The following FGGY variants were observed in gnomAD, a reference collection of about 807,000 sequenced individuals.
FGGY encodes the protein FGGY carbohydrate kinase domain containing, also known as FGGY carbohydrate kinase domain-containing protein.
A neutral mutation model predicts 71.3 loss-of-function variants in FGGY; 72 were observed. The observed-to-expected ratio is 1.01, with a 90% CI of 0.84 to 1.23. The LOEUF is 1.23. FGGY is among the 50% of genes most tolerant of loss of function. The pLI is 0.00. For synonymous variants in FGGY, 251 were observed against 250.3 expected (o/e 1.00, Z -0.02); for missense variants, 668 against 682.3 (o/e 0.98, Z 0.23).
At chr1:59,642,033 C>T (rs982978242) in intron 11 of FGGY, among the ~76,000 whole-genome samples, 3 of 151,984 alleles carry the variant, frequency 2.0e-5, no homozygotes, top group Admixed American at 1.3e-4. Context: ...CAGTTCATTC[C>T]ATTTGAAAAC....
rs375809362 is a variant in FGGY at position 59,707,468 on chromosome 1, C to T, written c.1512+33335C>T. On this transcript the variant is annotated intron_variant, in intron 14 of 15. Transcript: ENST00000303721. ...TAGGCAGCCACAGGGGCAGTAGGCC[C>T]GGAGCTAACAGGCCTTCATGTAAAA... Among the ~76,000 whole-genome samples, 51 of 152,200 alleles carry T rather than the reference C, an allele frequency of 3.4e-4. 1 individual carries two copies. The South Asian group carries it at 8.9e-3, about 27-fold the overall frequency.
chr1:59,503,651 TGATATA>T (rs1420882465), intron 6 of FGGY, among the ~76,000 whole-genome samples: 1 of 146,172 alleles, frequency 6.8e-6, no homozygotes, highest in Non-Finnish European at 1.5e-5. Flanking sequence ...TATATATACA[TGATATA>T]GATATAATTA....
At chr1:59,547,981 G>T (rs1049336424) in intron 7 of FGGY, among the ~76,000 whole-genome samples, 7 of 152,196 alleles carry the variant, frequency 4.6e-5, no homozygotes, top group Non-Finnish European at 7.3e-5. Flanking sequence ...GCCTCCGTTT[G>T]CTTATAGTGT....
At chr1:59,462,820 G>A (rs545251736) in intron 6 of FGGY, among the ~76,000 whole-genome samples, 1 of 152,088 alleles carries the variant, frequency 6.6e-6, no homozygotes, top group South Asian at 2.1e-4. Flanking sequence ...AGGTGCTGGA[G>A]AGGATGTGGA....
chr1:59,433,270 T>C (rs886202419), intron 5 of FGGY, among the ~76,000 whole-genome samples: 6 of 152,192 alleles, frequency 3.9e-5, no homozygotes, highest in African/African-American at 1.4e-4. Flanking sequence ...AATATCTCCA[T>C]GCATTGCCAG....
At chr1:59,414,849 A>G (rs2064127190) in intron 5 of FGGY, among the ~76,000 whole-genome samples, 1 of 152,222 alleles carries the variant, frequency 6.6e-6, no homozygotes, top group Non-Finnish European at 1.5e-5. Context: ...ACCTGGCTGG[A>G]GGCCAGAGGC....
intron 14 of FGGY, among the ~76,000 whole-genome samples, chr1:59,753,512 A>G (rs2098264822): frequency 8.5e-6 from 1 of 117,068 alleles, no homozygotes; most frequent in Non-Finnish European, 1.8e-5. Context: ...ATATATATAT[A>G]TGGCATTACA....
chr1:59,614,233 G>A (rs1223146727), intron 9 of FGGY, among the ~76,000 whole-genome samples: 4 of 152,034 alleles, frequency 2.6e-5, no homozygotes, highest in Non-Finnish European at 4.4e-5. Context: ...GATGAACATC[G>A]ATGCAAAAAT....
At chr1:59,528,987 T>G (rs1204925333) in intron 7 of FGGY, among the ~76,000 whole-genome samples, 1 of 152,220 alleles carries the variant, frequency 6.6e-6, no homozygotes, top group Admixed American at 6.5e-5. Flanking sequence ...AACACCTAAA[T>G]AGATGATTAT....
intron 11 of FGGY, chr1:59,641,245 A>G: frequency 3.2e-6 from 5 of 1,564,252 alleles, no homozygotes; most frequent in Non-Finnish European, 4.4e-6. Context: ...TTTTATCTTA[A>G]TAATAAAAAA....
At chr1:59,588,512 G>A (rs1422485032) in intron 8 of FGGY, among the ~76,000 whole-genome samples, 2 of 151,888 alleles carry the variant, frequency 1.3e-5, no homozygotes, top group African/African-American at 4.8e-5. Context: ...CAAAGTCGAA[G>A]GAAAAAATAT....
chr1:59,430,716 A>G (rs1045134305), intron 5 of FGGY, among the ~76,000 whole-genome samples: 4 of 152,164 alleles, frequency 2.6e-5, no homozygotes, highest in African/African-American at 9.7e-5. Context: ...GGTTTACCTG[A>G]ATACAGTTGG....
intron 4 of FGGY, among the ~76,000 whole-genome samples, chr1:59,369,405 C>G (rs1254788078): frequency 1.3e-5 from 2 of 152,228 alleles, no homozygotes; most frequent in Non-Finnish European, 2.9e-5. Context: ...AACAGAGCAG[C>G]CTGGAAGCTC....
chr1:59,394,835 A>G (rs1031674806), intron 5 of FGGY, among the ~76,000 whole-genome samples: 2 of 152,076 alleles, frequency 1.3e-5, no homozygotes, highest in Non-Finnish European at 2.9e-5. Flanking sequence ...CAGCACTGAG[A>G]CTAAGCTCAT....
At chr1:59,571,259 A>G (rs1209192020) in intron 8 of FGGY, among the ~76,000 whole-genome samples, 1 of 152,232 alleles carries the variant, frequency 6.6e-6, no homozygotes, top group Non-Finnish European at 1.5e-5. Context: ...TGTTAAAGTT[A>G]GGCAGATCTG....
At chr1:59,512,007 G>A (rs1438039451) in intron 6 of FGGY, among the ~76,000 whole-genome samples, 1 of 152,194 alleles carries the variant, frequency 6.6e-6, no homozygotes, top group African/African-American at 2.4e-5. Context: ...TTTAAACCTT[G>A]TATTTAAGAG....
chr1:59,523,812 C>T (rs1050789465), intron 7 of FGGY, among the ~76,000 whole-genome samples: 1 of 152,252 alleles, frequency 6.6e-6, no homozygotes, highest in African/African-American at 2.4e-5. Flanking sequence ...ACTACTGGTT[C>T]CATCAGCTGT....
chr1:59,721,523 A>G (rs1221057507), intron 14 of FGGY, among the ~76,000 whole-genome samples: 1 of 151,802 alleles, frequency 6.6e-6, no homozygotes, highest in Non-Finnish European at 1.5e-5. Context: ...TTTTTCGTAG[A>G]GACAGGGTTT....
intron 7 of FGGY, among the ~76,000 whole-genome samples, chr1:59,542,311 C>T (rs2095452341): frequency 6.6e-6 from 1 of 152,060 alleles, no homozygotes; most frequent in South Asian, 2.1e-4. Context: ...GAGCACAGTA[C>T]CTGATGTAAA....
Sources: gnomAD v4.1 joint callset for allele counts (sites outside exome capture counted in the v4.1 genomes callset) on GRCh38, gnomAD v4.1.1 for gene constraint, MANE v1.5 for transcripts, NCBI Gene and HGNC (gene_info 2026-07-23, HGNC 2026-07-21) for gene names.